Variants in RANBP2 observed in about 807,000 individuals in gnomAD.
The protein encoded by RANBP2 is RAN binding protein 2, also known as E3 SUMO-protein ligase RanBP2.
A neutral mutation model predicts 303.6 loss-of-function variants in RANBP2; 57 were observed. The observed-to-expected ratio is 0.19, with a 90% CI of 0.15 to 0.23. RANBP2 has a LOEUF of 0.23. Ranked by LOEUF, RANBP2 falls within the 10% of genes least tolerant of loss-of-function variation. The pLI is 1.00. For missense variants in RANBP2, 3,138 were observed against 3,780.8 expected, an observed-to-expected ratio of 0.83 and a Z score of 4.46; for synonymous variants, 1,167 against 1,301.5, an observed-to-expected ratio of 0.90 and a Z score of 2.23.
chr2:109,470,890 A>G, the RANBP2 span, among the ~76,000 whole-genome samples: 1 of 152,238 alleles, frequency 6.6e-6, no homozygotes, highest in Non-Finnish European at 1.5e-5. Flanking sequence ...AGGCAGAGTC[A>G]GTGTATTAGT....
the RANBP2 span, among the ~76,000 whole-genome samples, chr2:108,945,109 C>T: frequency 2.3e-4 from 35 of 152,204 alleles, no homozygotes; most frequent in Admixed American, 1.3e-3. Flanking sequence ...TGTATGTGGG[C>T]GCTGCCTGTC....
the RANBP2 span, among the ~76,000 whole-genome samples, chr2:109,604,450 G>C: frequency 1.4e-5 from 2 of 147,612 alleles, no homozygotes; most frequent in Non-Finnish European, 3.0e-5. Flanking sequence ...AAAGAGGCCG[G>C]GCGTGGTGGC....
chr2:109,625,138 G>A, the RANBP2 span, among the ~76,000 whole-genome samples: 33,721 of 146,256 alleles, frequency 0.23, 4,944 homozygotes, highest in Middle Eastern at 0.4. Context: ...AAAAAGAAAC[G>A]CATAATCTCA....
At chr2:109,455,683 T>A in the RANBP2 span, among the ~76,000 whole-genome samples, 1 of 152,194 alleles carries the variant, frequency 6.6e-6, no homozygotes, top group Admixed American at 6.5e-5. Flanking sequence ...TATAAATGTA[T>A]TTCCTCTCGA....
At chr2:109,251,323 AAGAATT>A in the RANBP2 span, 1 of 452,356 alleles carries the variant, frequency 2.2e-6, no homozygotes, top group African/African-American at 2.0e-5. Context: ...ATCTTTAACA[AAGAATT>A]AGAGAGATGC....
the RANBP2 span, among the ~76,000 whole-genome samples, chr2:108,853,877 TAATATA>T: frequency 8.0e-6 from 1 of 125,054 alleles, no homozygotes; most frequent in Non-Finnish European, 1.6e-5. Context: ...ATATACTATA[TAATATA>T]TTATATAGTA....
the RANBP2 span, among the ~76,000 whole-genome samples, chr2:109,593,679 C>T: frequency 1.3e-5 from 2 of 152,112 alleles, no homozygotes; most frequent in Admixed American, 6.5e-5. Context: ...GCTAGGATTA[C>T]AGGCATGAGC....
the RANBP2 span, among the ~76,000 whole-genome samples, chr2:109,332,631 C>T: frequency 2.6e-5 from 4 of 152,162 alleles, no homozygotes; most frequent in Admixed American, 6.5e-5. Context: ...AGGGCTGCCC[C>T]GTGGGTGGAA....
the RANBP2 span, among the ~76,000 whole-genome samples, chr2:109,355,905 A>T: frequency 6.6e-6 from 1 of 152,212 alleles, no homozygotes; most frequent in Non-Finnish European, 1.5e-5. Context: ...TTTTTGTAAC[A>T]TGAGGACAAA....
At chr2:109,282,481 G>T in the RANBP2 span, among the ~76,000 whole-genome samples, 1 of 152,144 alleles carries the variant, frequency 6.6e-6, no homozygotes, top group Non-Finnish European at 1.5e-5. Context: ...AGGAAGGCCC[G>T]AGGGTCACCA....
chr2:109,374,225 A>G, the RANBP2 span, among the ~76,000 whole-genome samples: 1 of 152,070 alleles, frequency 6.6e-6, no homozygotes, highest in African/African-American at 2.4e-5. Flanking sequence ...CCTCCCAAGC[A>G]TCCTTGGGCA....
the RANBP2 span, among the ~76,000 whole-genome samples, chr2:108,897,588 G>T: frequency 4.6e-5 from 7 of 152,138 alleles, no homozygotes; most frequent in Admixed American, 4.6e-4. Context: ...ATGGGGCTGG[G>T]CTGAGGAGGG....
chr2:109,001,536 T>C, the RANBP2 span, among the ~76,000 whole-genome samples: 3 of 152,170 alleles, frequency 2.0e-5, no homozygotes, highest in Non-Finnish European at 2.9e-5. Flanking sequence ...ACTGTGCCTG[T>C]AAAAGTGGGC....
At chr2:109,372,355 T>A in the RANBP2 span, among the ~76,000 whole-genome samples, 1 of 152,198 alleles carries the variant, frequency 6.6e-6, no homozygotes, top group African/African-American at 2.4e-5. Context: ...GTAGGAGTAT[T>A]TGCCTATGGC....
chr2:108,867,703 A>G, the RANBP2 span, among the ~76,000 whole-genome samples: 1 of 151,950 alleles, frequency 6.6e-6, no homozygotes, highest in South Asian at 2.1e-4. Flanking sequence ...TATTCATACT[A>G]TTGCTTTTTT....
the RANBP2 span, among the ~76,000 whole-genome samples, chr2:109,323,660 C>G: frequency 6.6e-6 from 1 of 152,212 alleles, no homozygotes; most frequent in Non-Finnish European, 1.5e-5. Context: ...TGTGTGTCCG[C>G]CAAGCTCCCT....
the RANBP2 span, among the ~76,000 whole-genome samples, chr2:109,367,184 G>A: frequency 6.9e-6 from 1 of 145,384 alleles, no homozygotes; most frequent in Non-Finnish European, 1.5e-5. Context: ...GACTGGTCTC[G>A]AACTCCTGGC....
the RANBP2 span, among the ~76,000 whole-genome samples, chr2:109,568,898 T>C: frequency 4.6e-5 from 7 of 152,180 alleles, no homozygotes; most frequent in Non-Finnish European, 1.0e-4. Context: ...AAGGAATAAC[T>C]TTCTCAGTAT....
chr2:109,418,787 A>C, the RANBP2 span, among the ~76,000 whole-genome samples: 1 of 152,164 alleles, frequency 6.6e-6, no homozygotes, highest in Non-Finnish European at 1.5e-5. Context: ...AAGACAGGAC[A>C]CTGTCCTAGG....
Sources: allele counts gnomAD v4.1 joint callset (sites outside exome capture counted in the v4.1 genomes callset), GRCh38; gene constraint gnomAD v4.1.1; transcripts MANE v1.5; gene names NCBI Gene and HGNC (gene_info 2026-07-23, HGNC 2026-07-21).